GPR132: variants seen among roughly 807,000 people sequenced by gnomAD.
GPR132 encodes the protein G protein-coupled receptor 132.
Under a neutral mutation model 1.9 loss-of-function variants are expected in GPR132, and 4 were observed. The observed-to-expected ratio is 2.13, with a 90% CI of 1.05 to 4.87. The LOEUF (loss-of-function observed/expected upper bound fraction) is 4.87. Ranked by LOEUF, GPR132 falls within the 30% of genes most tolerant of loss-of-function variation. GPR132 has a pLI of 0.01. For synonymous variants in GPR132, 233 were observed against 234.2 expected, an observed-to-expected ratio of 0.99 and a Z score of 0.05; for missense variants, 404 against 512.5, an observed-to-expected ratio of 0.79 and a Z score of 2.04.
Position 105,051,367 on chromosome 14 carries a change from G to C in GPR132, c.770C>G (p.Pro257Arg). The change falls in exon 4 of 4, where the codon CCG (proline) becomes CGG (arginine). Residue 257 changes from proline (P) to arginine (R), a missense_variant. Pro to Arg is a moderately radical substitution (Grantham distance 103). Coordinates refer to ENST00000329797, the MANE Select transcript of GPR132 (RefSeq NM_013345.4). The surrounding 1 kb of genome is among the most constrained non-coding windows in gnomAD (Gnocchi z 8.0). The stretch of plus-strand genomic sequence containing the variant: ...TTTGACGAGGAGAACCAGGTGGTAC[G>C]GGGCGAAGCAGACTAGGAAGATGAC... The part of the protein sequence containing the change: ...VVVIFLVCFA[P>R]YHLVLLVKAA... 1.9e-6 allele frequency: 3 copies of C among 1,613,996 alleles called. 1 individual carries two copies. Among genetic ancestry groups the C allele is most frequent in the South Asian group, 2.2e-5 (2 of 91,086 alleles).
chr14:105,064,542 C>T (rs536525356), intron 1 of GPR132, among the ~76,000 whole-genome samples: 3 of 151,908 alleles, frequency 2.0e-5, no homozygotes, highest in Non-Finnish European at 4.4e-5. Flanking sequence ...CCATGTTGGT[C>T]AGGCTGGTCT....
chr14:105,053,147 CTTTTTTTTTTTTT>C (rs1162515395), intron 3 of GPR132, among the ~76,000 whole-genome samples: 3 of 98,990 alleles, frequency 3.0e-5, no homozygotes, highest in African/African-American at 1.3e-4. Flanking sequence ...AACCTGTAGT[CTTTTTTTTTTTTT>C]TTTTTTTTTT....
At chr14:105,064,964 C>T (rs1459399731) in intron 1 of GPR132, among the ~76,000 whole-genome samples, 1 of 152,124 alleles carries the variant, frequency 6.6e-6, no homozygotes, top group Non-Finnish European at 1.5e-5. Flanking sequence ...ACAGGCCCCA[C>T]AGAGAGAAGC....
chr14:105,060,517 C>T lies in GPR132; in HGVS notation c.-860-3237G>A, dbSNP rs1420601176. The stretch of plus-strand genomic sequence containing the variant: ...CTAGAAGCCCACATACTCTTGCTCG[C>T]TGGTGTCTACTCCGATTCTGCAGCC... On this transcript the variant is annotated intron_variant, in intron 1 of 3. Transcript: ENST00000329797. This position sits in a 1 kb window ranked among gnomAD's most constrained non-coding sequence, Gnocchi z 6.3. Among the ~76,000 whole-genome samples, 1 of 152,206 alleles carries T rather than the reference C, an allele frequency of 6.6e-6. No homozygotes were observed. Among genetic ancestry groups the T allele is most frequent in the East Asian group, 1.9e-4 (1 of 5,196 alleles).
Position 105,050,722 on chromosome 14 carries a change from C to G in GPR132, c.*272G>C. The G allele has an allele frequency of 2.0e-6, 1 of 508,710 alleles. No homozygotes were observed. Among genetic ancestry groups the G allele is most frequent in the Non-Finnish European group, 3.5e-6 (1 of 283,766 alleles). 31.5% of individuals were successfully genotyped at this position (508,710 alleles called of 1,614,324 possible). On this transcript the variant is annotated 3_prime_UTR_variant, in exon 4 of 4. Transcript: ENST00000329797. This position sits in a 1 kb window ranked among gnomAD's most constrained non-coding sequence, Gnocchi z 4.0. ...CCCACAGCCAAGGGAGCCAGCCAGG[C>G]AGGCTGCTGATGAAGAGGCCCCACT...
In GPR132 at chr14:105,051,347, C is replaced by T. The variant is rs777838540; in HGVS notation, c.790G>A (p.Val264Ile). 53 of 1,613,958 alleles carry T rather than the reference C, an allele frequency of 3.3e-5. No homozygotes were observed. The Admixed American group carries it at 7.3e-4, about 22-fold the overall frequency. ...TAGTAGGAAAAGGCAGCGGCTTTGA[C>T]GAGGAGAACCAGGTGGTACGGGGCG... is the stretch of plus-strand genomic sequence containing the variant. ...CFAPYHLVLL[V>I]KAAAFSYYRG... Residue 264 changes from valine to isoleucine, a missense_variant, in exon 4 of 4, where the codon GTC (valine) becomes ATC (isoleucine). Coordinates refer to ENST00000329797, the MANE Select transcript of GPR132 (RefSeq NM_013345.4). The surrounding 1 kb of genome is among the most constrained non-coding windows in gnomAD (Gnocchi z 8.0).
Position 105,051,877 on chromosome 14 carries a change from C to T in GPR132, c.260G>A (p.Cys87Tyr). The change falls in exon 4 of 4, where the codon TGC (cysteine) becomes TAC (tyrosine). Residue 87 changes from cysteine to tyrosine, a missense_variant. Physicochemically the swap from Cys to Tyr is radical, Grantham distance 194. Transcript: ENST00000329797. The surrounding 1 kb of genome is among the most constrained non-coding windows in gnomAD (Gnocchi z 8.0). ...LAVYLLCLALCELLYTGTLPL... is the reference protein window; with the variant it reads ...LAVYLLCLALYELLYTGTLPL... ...CAGCGTGCCTGTGTACAGCAGCTCGCAGAGTGCCAGGCAGAGCAGGTAGAC... is the reference window on the plus strand; with the variant it reads ...CAGCGTGCCTGTGTACAGCAGCTCGTAGAGTGCCAGGCAGAGCAGGTAGAC... 2 of 1,613,764 alleles carry T rather than the reference C, an allele frequency of 1.2e-6. No homozygotes were observed. The highest frequency in any genetic ancestry group is 1.7e-6 in the Non-Finnish European group (2 of 1,179,930).
intron 1 of GPR132, chr14:105,057,511 C>CTTTTTTTTTTTTTTTTTTTTTTTT (rs11299805): frequency 1.1e-5 from 1 of 88,528 alleles, no homozygotes; most frequent in Non-Finnish European, 2.2e-5. Context: ...ACATACGATT[C>CTTTTTTTTTTTTTTTTTTTTTTTT]TTTTTTTTTT....
At chr14:105,064,451 G>A (rs567118638) in intron 1 of GPR132, among the ~76,000 whole-genome samples, 4 of 151,774 alleles carry the variant, frequency 2.6e-5, no homozygotes, top group Admixed American at 6.6e-5. Context: ...CTCCTGCCTC[G>A]GCCTCCCAAG....
At position 105,056,140 on chromosome 14, in the gene GPR132, T is replaced by G; in HGVS notation, c.-720A>C. On this transcript the variant is annotated 5_prime_UTR_variant, in exon 3 of 4. Transcript: ENST00000329797. The surrounding 1 kb of genome is among the most constrained non-coding windows in gnomAD (Gnocchi z 6.0). ...CGCTTGCTGGGTTTCTCCGGGTGAG[T>G]GTCGTGTCCCTTGCTCACCTTCCTC... 1 of 985,776 alleles carries G rather than the reference T, an allele frequency of 1.0e-6. No individual in the cohort carries two copies. The highest frequency in any genetic ancestry group is 1.7e-5 in the African/African-American group (1 of 57,308). The allele number at this position is 985,776 out of a possible 1,614,324, so 61.1% of individuals were successfully genotyped here. A position where few individuals can be genotyped will look rare whatever the true frequency, so the allele number is the denominator to read the frequency against.
intron 3 of GPR132, chr14:105,054,516 T>C: frequency 1.7e-6 from 1 of 582,410 alleles, no homozygotes; most frequent in Non-Finnish European, 2.2e-6. Context: ...CTGCAACCTC[T>C]GCCTCCCAAG....
rs1361478071 is a variant in GPR132, at chr14:105,060,592, C to T, written c.-860-3312G>A. On this transcript the variant is annotated intron_variant, in intron 1 of 3. Coordinates refer to ENST00000329797, the MANE Select transcript of GPR132 (RefSeq NM_013345.4). The surrounding 1 kb of genome is among the most constrained non-coding windows in gnomAD (Gnocchi z 6.3). ...TGAATAACACGAGGCAGGGACCTCT[C>T]CTGTCAAATGAGCAGGAGTGAGCAC... is the stretch of plus-strand genomic sequence containing the variant. Among the ~76,000 whole-genome samples, 2 of 152,248 alleles carry T rather than the reference C, an allele frequency of 1.3e-5. No homozygotes were observed. Among genetic ancestry groups the T allele is most frequent in the Admixed American group, 1.3e-4 (2 of 15,286 alleles).
At position 105,051,610 on chromosome 14, in the gene GPR132, G is replaced by A. The variant is rs374414276; in HGVS notation, c.527C>T (p.Pro176Leu). Residue 176 changes from proline to leucine, a missense_variant, in exon 4 of 4, where the codon CCG becomes CTG. Physicochemically the swap from Pro to Leu is moderately conservative, Grantham distance 98. Transcript: ENST00000329797. The surrounding 1 kb of genome is among the most constrained non-coding windows in gnomAD (Gnocchi z 8.0). ...CTCCTTGTCTTCCGTCTGGAACACC[G>A]GGTAGTGAACGATCCCGACGAGGAT... Reference protein sequence around the residue: ...IFILVGIVHYPVFQTEDKETC... With the variant: ...IFILVGIVHYLVFQTEDKETC... 27 of 1,613,914 alleles carry A rather than the reference G, an allele frequency of 1.7e-5. No individual in the cohort carries two copies. The African/African-American group carries it at 2.0e-4, about 12-fold the overall frequency.
At chr14:105,052,310 G>A (rs1886672583) in intron 3 of GPR132, among the ~76,000 whole-genome samples, 1 of 152,194 alleles carries the variant, frequency 6.6e-6, no homozygotes, top group South Asian at 2.1e-4. Context: ...TGCAGGCTGG[G>A]CAATACTGAA....
chr14:105,052,822 G>A lies in GPR132; in HGVS notation c.35-720C>T, dbSNP rs141140658. Among the ~76,000 whole-genome samples, 273 of 151,800 alleles carry A rather than the reference G, an allele frequency of 1.8e-3. 1 individual carries two copies. Among genetic ancestry groups the A allele is most frequent in the African/African-American group, 6.3e-3 (260 of 41,470 alleles). ...AAATTTAAAACAAATAGTTGGGCGTGCTGGCTCGCACCTGTAATCCCAGCT... is the reference window on the plus strand; with the variant it reads ...AAATTTAAAACAAATAGTTGGGCGTACTGGCTCGCACCTGTAATCCCAGCT... On this transcript the variant is annotated intron_variant, in intron 3 of 3. Coordinates refer to ENST00000329797, the MANE Select transcript of GPR132 (RefSeq NM_013345.4).
rs1193068558 is a variant in GPR132 at position 105,052,075 on chromosome 14, G to A, written c.62C>T (p.Ala21Val). The change falls in exon 4 of 4, where the codon GCC becomes GTC. Residue 21 changes from alanine to valine, a missense_variant. Coordinates refer to ENST00000329797, the MANE Select transcript of GPR132 (RefSeq NM_013345.4). ...NGNATPVTTT[A>V]PWASLGLSAK... ...GGAGAGGCCCAGGGAGGCCCACGGGGCAGTGGTGGTCACTGGGGTGGCGTT... is the reference window on the plus strand; with the variant it reads ...GGAGAGGCCCAGGGAGGCCCACGGGACAGTGGTGGTCACTGGGGTGGCGTT... 7 of 1,587,640 alleles carry A rather than the reference G, an allele frequency of 4.4e-6. No individual in the cohort carries two copies. Among genetic ancestry groups the A allele is most frequent in the Non-Finnish European group, 6.0e-6 (7 of 1,169,932 alleles).
chr14:105,057,626 T>C (rs1168037752), intron 1 of GPR132: 1 of 155,088 alleles, frequency 6.4e-6, no homozygotes, highest in Admixed American at 6.6e-5. Context: ...GTTCAAACTA[T>C]TCTCCTGCAG....
rs976283296 is a variant in GPR132 at position 105,050,595 on chromosome 14, G to A, written c.*399C>T. Reference sequence around the variant, plus strand: ...CCCAGAGGGCCCACAATGCACCACCGCATCCAGGCAACGCTTGCAGAAATG... The same window carrying A: ...CCCAGAGGGCCCACAATGCACCACCACATCCAGGCAACGCTTGCAGAAATG... On this transcript the variant is annotated 3_prime_UTR_variant, in exon 4 of 4. Coordinates refer to ENST00000329797, the MANE Select transcript of GPR132 (RefSeq NM_013345.4). The surrounding 1 kb of genome is among the most constrained non-coding windows in gnomAD (Gnocchi z 4.0). 1.4e-4 allele frequency: 30 copies of A among 221,196 alleles called. No homozygotes were observed. The highest frequency in any genetic ancestry group is 6.2e-4 in the African/African-American group (27 of 43,814). 13.7% of individuals were successfully genotyped at this position (221,196 alleles called of 1,614,324 possible). A position where few individuals can be genotyped will look rare whatever the true frequency, so the allele number is the denominator to read the frequency against.
At chr14:105,061,781 G>A (rs557559179) in intron 1 of GPR132, among the ~76,000 whole-genome samples, 5 of 152,150 alleles carry the variant, frequency 3.3e-5, no homozygotes, top group East Asian at 1.9e-4. Context: ...CATGGGGACC[G>A]TCCCTTCCTC....
Sources: gnomAD v4.1 joint callset for allele counts (sites outside exome capture counted in the v4.1 genomes callset) on GRCh38, gnomAD v4.1.1 for gene constraint, Gnocchi (gnomAD v3.1) non-coding constraint, MANE v1.5 for transcripts, NCBI Gene and HGNC (gene_info 2026-07-23, HGNC 2026-07-21) for gene names.